Variants in UBASH3A observed in about 807,000 individuals in gnomAD.
UBASH3A encodes the protein ubiquitin-associated and SH3 domain-containing protein A.
In UBASH3A, 63 loss-of-function variants were observed where a neutral mutation model predicts 73.5. The observed-to-expected ratio is 0.86, with a 90% CI of 0.70 to 1.06. The LOEUF is 1.06. Ranked by LOEUF, UBASH3A falls within the 50% of genes least tolerant of loss-of-function variation. The probability of loss-of-function intolerance (pLI) is 0.00; values close to 1 mark genes in which losing one functional copy is unlikely to be tolerated. For missense variants in UBASH3A, 860 were observed against 859.0 expected (o/e 1.00, Z -0.02); for synonymous variants, 363 against 351.1 (o/e 1.03, Z -0.38).
chr21:42,425,508 A>C (rs1430451536), intron 7 of UBASH3A, among the ~76,000 whole-genome samples: 2 of 152,230 alleles, frequency 1.3e-5, no homozygotes, highest in African/African-American at 4.8e-5. Flanking sequence ...TAATTTGAAG[A>C]GGAAACTGTC....
intron 2 of UBASH3A, among the ~76,000 whole-genome samples, chr21:42,407,350 C>T (rs1372109216): frequency 1.6e-4 from 24 of 152,146 alleles, no homozygotes; most frequent in Admixed American, 4.6e-4. Context: ...CAATGGGATG[C>T]CCCCTCCTCC....
At position 42,439,819 on chromosome 21, in the gene UBASH3A, TACACCCACAC is replaced by T. The variant is rs1307022302; in HGVS notation, c.1486+2253_1486+2262del. Among the ~76,000 whole-genome samples the T allele has an allele frequency of 6.1e-4, 48 of 79,026 alleles. 1 individual carries two copies. In the South Asian group the frequency reaches 0.014, roughly 23 times the overall value. 51.8% of individuals were successfully genotyped at this position (79,026 alleles called of 152,430 possible). A position where few individuals can be genotyped will look rare whatever the true frequency, so the allele number is the denominator to read the frequency against. ...CACACCACACACCACACACACCACCTACACCCACACACACCCACACACAACACACAACACA... is the reference window on the plus strand; with the variant it reads ...CACACCACACACCACACACACCACCTACACCCACACACAACACACAACACA... On this transcript the variant is annotated intron_variant, in intron 11 of 14. Transcript: ENST00000319294.
At chr21:42,409,757 T>A in intron 3 of UBASH3A, 149 bp downstream of exon 3, 1 of 689,770 alleles carries the variant, frequency 1.4e-6, no homozygotes, top group Non-Finnish European at 2.4e-6. Context: ...AGCTGTCCTT[T>A]ATTTTCCTCT....
In UBASH3A at chr21:42,403,928, G is replaced by T; in HGVS notation, c.-18G>T. Reference sequence around the variant, plus strand: ...TTTCTGTGTGCAGGCGAGCTTCTTGGCCTAAGGGCAGGAAGAGATGGCAGC... The same window carrying T: ...TTTCTGTGTGCAGGCGAGCTTCTTGTCCTAAGGGCAGGAAGAGATGGCAGC... On this transcript the variant is annotated 5_prime_UTR_variant, in exon 1 of 15. Coordinates refer to ENST00000319294, the MANE Select transcript of UBASH3A (RefSeq NM_018961.4). 6.8e-7 allele frequency: 1 copy of T among 1,468,142 alleles called. No individual in the cohort carries two copies. Among genetic ancestry groups the T allele is most frequent in the African/African-American group, 1.4e-5 (1 of 70,064 alleles). 90.9% of individuals were successfully genotyped at this position (1,468,142 alleles called of 1,614,324 possible).
At chr21:42,417,844 T>C (rs1356540652) in intron 6 of UBASH3A, among the ~76,000 whole-genome samples, 1 of 150,662 alleles carries the variant, frequency 6.6e-6, no homozygotes, top group Non-Finnish European at 1.5e-5. Flanking sequence ...GATGGATAGA[T>C]CCCAAAATGT....
intron 7 of UBASH3A, among the ~76,000 whole-genome samples, chr21:42,422,725 T>C (rs1410477490): frequency 1.3e-5 from 2 of 152,230 alleles, no homozygotes; most frequent in Non-Finnish European, 1.5e-5. Flanking sequence ...GCAAGATTTA[T>C]TGATAAATGA....
rs186067909 is a variant in UBASH3A, at chr21:42,426,519, C to T, written c.1047-178C>T. 2.6e-4 allele frequency among the ~76,000 whole-genome samples: 40 copies of T among 152,380 alleles called. No individual in the cohort carries two copies. In the East Asian group the frequency reaches 7.5e-3, roughly 29 times the overall value. On this transcript the variant is annotated intron_variant, in intron 7 of 14. Coordinates refer to ENST00000319294, the MANE Select transcript of UBASH3A (RefSeq NM_018961.4). ...GATCATTGTAATAAAACAAACACAT[C>T]ATCCACACTTCCTGAGTCCTGAGCA...
chr21:42,412,987 A>G (rs1424892018), intron 3 of UBASH3A, 37 bp from the exon 4 acceptor site: 1 of 1,521,852 alleles, frequency 6.6e-7, no homozygotes, highest in Non-Finnish European at 9.1e-7. Flanking sequence ...TTCTGATGAG[A>G]GGTGTGGAAA....
intron 3 of UBASH3A, among the ~76,000 whole-genome samples, chr21:42,410,744 C>A (rs914692967): frequency 1.3e-5 from 2 of 152,036 alleles, no homozygotes; most frequent in African/African-American, 4.8e-5. Context: ...CAGGCCTTGG[C>A]CCCCCACTCC....
At chr21:42,422,968 A>G (rs2053366725) in intron 7 of UBASH3A, among the ~76,000 whole-genome samples, 1 of 152,242 alleles carries the variant, frequency 6.6e-6, no homozygotes, top group Admixed American at 6.5e-5. Flanking sequence ...CTTTTCAAAC[A>G]CGACCATTTC....
chr21:42,421,241 G>A (rs780699288), intron 7 of UBASH3A, among the ~76,000 whole-genome samples: 1 of 152,200 alleles, frequency 6.6e-6, no homozygotes, highest in Non-Finnish European at 1.5e-5. Context: ...AGCTCTTGCA[G>A]GTGTCAAGAC....
intron 2 of UBASH3A, 125 bp downstream of exon 2, chr21:42,406,486 C>T (rs564904655): frequency 9.2e-6 from 7 of 757,782 alleles, no homozygotes; most frequent in South Asian, 7.8e-5. Flanking sequence ...GGGGCCACTG[C>T]GGAAGTGAAA....
chr21:42,411,895 C>T (rs1015318465), intron 3 of UBASH3A, among the ~76,000 whole-genome samples: 5 of 152,156 alleles, frequency 3.3e-5, no homozygotes, highest in African/African-American at 9.7e-5. Context: ...TGTTGAGTGC[C>T]GTTGAGGGTT....
intron 11 of UBASH3A, among the ~76,000 whole-genome samples, chr21:42,440,185 A>G (rs1385282316): frequency 1.3e-5 from 2 of 152,240 alleles, no homozygotes; most frequent in African/African-American, 4.8e-5. Flanking sequence ...TCACAGCAGC[A>G]GGTCCAGCCT....
chr21:42,418,725 G>A, intron 7 of UBASH3A, 116 bp downstream of exon 7: 2 of 948,902 alleles, frequency 2.1e-6, no homozygotes, highest in Non-Finnish European at 3.1e-6. Flanking sequence ...ATTGCATTCT[G>A]TATGCTGACA....
Position 42,426,760 on chromosome 21 carries a change from A to G in UBASH3A, c.1110A>G (p.Arg370=). ...GAAAGGATGGTGAAGCCAGCAGCAG[A>G]TGCAGCGGGGAATTTCTTCCACAAA... is the stretch of plus-strand genomic sequence containing the variant. ...NSRKDGEASS[R]CSGEFLPQTA... The change falls in exon 8 of 15, where the codon AGA becomes AGG. Residue 370 remains arginine (R), a synonymous_variant. Coordinates refer to ENST00000319294, the MANE Select transcript of UBASH3A (RefSeq NM_018961.4). 1 of 1,614,208 alleles carries G rather than the reference A, an allele frequency of 6.2e-7. No homozygotes were observed. Among genetic ancestry groups the G allele is most frequent in the Non-Finnish European group, 8.5e-7 (1 of 1,180,012 alleles).
Position 42,442,481 on chromosome 21 carries a change from C to T in UBASH3A, c.1516C>T (p.Arg506Ter), listed in dbSNP as rs148203332. 1.5e-4 allele frequency: 246 copies of T among 1,614,008 alleles called. No homozygotes were observed. Among genetic ancestry groups the T allele is most frequent in the Non-Finnish European group, 1.9e-4 (227 of 1,179,976 alleles). The change falls in exon 12 of 15, where the codon CGA becomes TGA. Residue 506 changes from arginine to a stop codon, truncating the protein, a stop_gained. Transcript: ENST00000319294. LOFTEE classifies it high-confidence loss of function. ...ELKLEKKIKI[R>*]VEPGIFEWTK... ...CAAACTGGAGAAAAAAATCAAGATACGAGTGGAACCTGGAATCTTTGAATG... is the reference window on the plus strand; with the variant it reads ...CAAACTGGAGAAAAAAATCAAGATATGAGTGGAACCTGGAATCTTTGAATG...
In UBASH3A at chr21:42,442,525, C is replaced by T; in HGVS notation, c.1560C>T (p.Gly520=). ...TTGAATGGACAAAATGGGAAGCTGGCAAAACCACCCCAACCCTCATGAGCC... is the reference window on the plus strand; with the variant it reads ...TTGAATGGACAAAATGGGAAGCTGGTAAAACCACCCCAACCCTCATGAGCC... ...GIFEWTKWEA[G]KTTPTLMSLE... The change falls in exon 12 of 15, where the codon GGC becomes GGT. Residue 520 remains glycine, a synonymous_variant. Coordinates refer to ENST00000319294, the MANE Select transcript of UBASH3A (RefSeq NM_018961.4). The T allele has an allele frequency of 6.2e-7, 1 of 1,614,128 alleles. No individual in the cohort carries two copies. Among genetic ancestry groups the T allele is most frequent in the Non-Finnish European group, 8.5e-7 (1 of 1,180,020 alleles).
At position 42,413,096 on chromosome 21, in the gene UBASH3A, C is replaced by T. The variant is rs751418037; in HGVS notation, c.427C>T (p.Pro143Ser). ...RAGDRLLGSF[P>S]TAVPLALHSS... is the part of the protein sequence containing the mutation. ...TGGAGACAGGCTCCTGGGCTCCTTC[C>T]CCACGGCCGTGCCTCTGGCTCTCCA... Residue 143 changes from proline to serine, a missense_variant, in exon 4 of 15, where the codon CCC becomes TCC. Pro to Ser is a moderately conservative substitution (Grantham distance 74). Coordinates refer to ENST00000319294, the MANE Select transcript of UBASH3A (RefSeq NM_018961.4). This position sits in a 1 kb window ranked among gnomAD's most constrained non-coding sequence, Gnocchi z 4.5. 3.7e-6 allele frequency: 6 copies of T among 1,614,226 alleles called. No homozygotes were observed. The highest frequency in any genetic ancestry group is 5.1e-6 in the Non-Finnish European group (6 of 1,180,040).
Sources: gnomAD v4.1 joint callset for allele counts (sites outside exome capture counted in the v4.1 genomes callset) on GRCh38, gnomAD v4.1.1 for gene constraint, Gnocchi (gnomAD v3.1) non-coding constraint, MANE v1.5 for transcripts, NCBI Gene and HGNC (gene_info 2026-07-23, HGNC 2026-07-21) for gene names.